Variants in TNNT3 observed in about 807,000 individuals in gnomAD.
TNNT3 encodes the protein troponin T, fast skeletal muscle.
In TNNT3, 36 loss-of-function variants were observed where a neutral mutation model predicts 54.2. The ratio of observed to expected loss-of-function variants is 0.66; its 90% CI spans 0.51 to 0.88. TNNT3 has a LOEUF of 0.88. Ranked by LOEUF, TNNT3 falls within the 40% of genes least tolerant of loss-of-function variation. The pLI is 0.00. For synonymous variants in TNNT3, 120 were observed against 109.7 expected, an observed-to-expected ratio of 1.09 and a Z score of -0.59; for missense variants, 291 against 331.6, an observed-to-expected ratio of 0.88 and a Z score of 0.95.
chr11:1,932,547 C>A (rs199614140), intron 9 of TNNT3, 33 bp downstream of exon 9: 1 of 1,609,938 alleles, frequency 6.2e-7, no homozygotes, highest in African/African-American at 1.3e-5. Context: ...AACATGTCCA[C>A]GGTTTCCCCA....
In TNNT3 at chr11:1,926,681, C is replaced by T. The variant is rs202175253; in HGVS notation, c.68-14C>T. On this transcript the variant is annotated splice_polypyrimidine_tract_variant and intron_variant, in intron 5 of 15. Coordinates refer to ENST00000278317, the MANE Select transcript of TNNT3 (RefSeq NM_006757.4). The stretch of plus-strand genomic sequence containing the variant: ...TCTCCCGCCCTTTCTGCCACCATGA[C>T]GCTGCTTCTGCAGAGGAAGTTCAAG... 4.9e-4 allele frequency: 785 copies of T among 1,613,530 alleles called. 1 individual carries two copies. The highest frequency in any genetic ancestry group is 3.5e-4 in the Non-Finnish European group (417 of 1,180,030).
At chr11:1,934,234 T>A in intron 11 of TNNT3, 98 bp from the exon 12 acceptor site, 1 of 1,214,060 alleles carries the variant, frequency 8.2e-7, no homozygotes. Context: ...GGTGGGCCCT[T>A]CCAGACAGCT....
At position 1,928,439 on chromosome 11, in the gene TNNT3, C is replaced by T. The variant is rs900766351; in HGVS notation, c.83-681C>T. On this transcript the variant is annotated intron_variant, in intron 6 of 15. Transcript: ENST00000278317. The stretch of plus-strand genomic sequence containing the variant: ...CAGGGGGGTCCCAGAGGGGCCCAGT[C>T]TCAGGACAGCAGCCATGTGGCAGTC... Among the ~76,000 whole-genome samples the T allele has an allele frequency of 5.3e-5, 8 of 152,202 alleles. No individual in the cohort carries two copies. In the South Asian group the frequency reaches 8.3e-4, roughly 16 times the overall value.
rs200627107 is a variant in TNNT3, at chr11:1,926,513, C to A, written c.68-182C>A. The A allele has an allele frequency of 3.1e-6, 5 of 1,613,014 alleles. No individual in the cohort carries two copies. The East Asian group carries it at 1.1e-4, about 36-fold the overall frequency. On this transcript the variant is annotated intron_variant, in intron 5 of 15. Transcript: ENST00000278317. ...GCATGACTTCGATGCCACATGGGCA[C>A]GTGTGGCCATGTGGGGGGTGCAGGA...
Position 1,922,892 on chromosome 11 carries a change from G to A in TNNT3, c.17+1G>A, listed in dbSNP as rs867259461. The A allele has an allele frequency of 8.7e-6, 14 of 1,613,616 alleles. No homozygotes were observed. The highest frequency in any genetic ancestry group is 1.1e-5 in the Non-Finnish European group (13 of 1,180,026). The stretch of plus-strand genomic sequence containing the variant: ...CCTTCACCATGTCTGACGAGGAAGT[G>A]TGAGTACCCAGCTGGTGGCTGCCCC... On this transcript the variant is annotated splice_donor_variant, in intron 2 of 15. Transcript: ENST00000278317. LOFTEE classifies it high-confidence loss of function.
chr11:1,938,242 C>T (rs1414715163), intron 15 of TNNT3, 196 bp from the exon 16 acceptor site: 1 of 654,622 alleles, frequency 1.5e-6, no homozygotes, highest in Non-Finnish European at 2.8e-6. Flanking sequence ...CCTAACCACA[C>T]TAACGACCTA....
intron 8 of TNNT3, among the ~76,000 whole-genome samples, chr11:1,931,407 G>A (rs974388958): frequency 6.6e-6 from 1 of 152,250 alleles, no homozygotes; most frequent in African/African-American, 2.4e-5. Context: ...TGGGATGTGA[G>A]CGGGTCTGTG....
Position 1,938,645 on chromosome 11 carries a change from G to A in TNNT3, c.*153G>A, listed in dbSNP as rs562840875. The A allele has an allele frequency of 5.5e-5, 43 of 777,300 alleles. No individual in the cohort carries two copies. In the African/African-American group the frequency reaches 5.7e-4, roughly 10 times the overall value. 48.2% of individuals were successfully genotyped at this position (777,300 alleles called of 1,614,324 possible). A position where few individuals can be genotyped will look rare whatever the true frequency, so the allele number is the denominator to read the frequency against. ...GAGGCCATCCCGGGGCGTCCCCCGC[G>A]TCTGTGTCCTTGCTGCCTTCATCCC... On this transcript the variant is annotated 3_prime_UTR_variant, in exon 16 of 16. Transcript: ENST00000278317.
chr11:1,924,539 G>A (rs1048845377), intron 4 of TNNT3, among the ~76,000 whole-genome samples: 2 of 152,222 alleles, frequency 1.3e-5, no homozygotes, highest in Admixed American at 6.5e-5. Flanking sequence ...TTTTTCTGCC[G>A]AAAAGGTGGA....
chr11:1,934,254 G>T (rs1589988432), intron 11 of TNNT3, 78 bp from the exon 12 acceptor site: 15 of 1,356,304 alleles, frequency 1.1e-5, no homozygotes, highest in Middle Eastern at 1.8e-4. Context: ...TCTAAGCCCA[G>T]GGTGGGTCCC....
At position 1,925,128 on chromosome 11, in the gene TNNT3, C is replaced by T. The variant is rs1043742814; in HGVS notation, c.67+12C>T. On this transcript the variant is annotated intron_variant, in intron 5 of 15. Coordinates refer to ENST00000278317, the MANE Select transcript of TNNT3 (RefSeq NM_006757.4). ...AGCCCAGGAGGAAGGTAAGTGGGGT[C>T]CAAGGCCCCGGCCCCCATGCCCACT... is the stretch of plus-strand genomic sequence containing the variant. 3.7e-6 allele frequency: 6 copies of T among 1,612,662 alleles called. No individual in the cohort carries two copies. In the African/African-American group the frequency reaches 8.0e-5, roughly 22 times the overall value.
intron 15 of TNNT3, 122 bp from the exon 16 acceptor site, chr11:1,938,315 TG>T (rs1855745632): frequency 9.2e-7 from 1 of 1,081,394 alleles, no homozygotes; most frequent in Admixed American, 1.7e-5. Context: ...GCCGCAAGCT[TG>T]GGCCGGGCCT....
intron 5 of TNNT3, chr11:1,925,341 G>A (rs965721663): frequency 6.5e-7 from 1 of 1,535,344 alleles, no homozygotes; most frequent in Non-Finnish European, 8.8e-7. Context: ...CCCATGTGGG[G>A]GTGGGGGAGA....
At chr11:1,924,676 C>T (rs2133272716) in intron 4 of TNNT3, among the ~76,000 whole-genome samples, 1 of 152,306 alleles carries the variant, frequency 6.6e-6, no homozygotes, top group Non-Finnish European at 1.5e-5. Flanking sequence ...CCCTCAGTGC[C>T]AGCCTTGTTT....
intron 15 of TNNT3, 66 bp downstream of exon 15, chr11:1,937,069 C>T: frequency 6.6e-7 from 1 of 1,513,026 alleles, no homozygotes; most frequent in Non-Finnish European, 9.0e-7. Context: ...CCGCTGTAGC[C>T]AGTCCCTAAC....
intron 1 of TNNT3, among the ~76,000 whole-genome samples, chr11:1,920,383 C>A (rs1056030259): frequency 6.6e-6 from 1 of 152,126 alleles, no homozygotes; most frequent in East Asian, 1.9e-4. Context: ...AGGGGCTGGA[C>A]TGGGGCAGGA....
At chr11:1,925,343 T>TGGGGGAGA in intron 5 of TNNT3, 1 of 1,177,718 alleles carries the variant, frequency 8.5e-7, no homozygotes, top group Non-Finnish European at 1.2e-6. Flanking sequence ...CATGTGGGGG[T>TGGGGGAGA]GGGGGAGAGG....
chr11:1,921,612 T>C (rs1850129167), intron 1 of TNNT3: 1 of 152,254 alleles, frequency 6.6e-6, no homozygotes, highest in South Asian at 2.1e-4. Flanking sequence ...AAGACAGCTA[T>C]CTGCTGGGTA....
At position 1,938,558 on chromosome 11, in the gene TNNT3, G is replaced by T; in HGVS notation, c.*66G>T. The T allele has an allele frequency of 1.3e-6, 2 of 1,510,730 alleles. No homozygotes were observed. The highest frequency in any genetic ancestry group is 9.1e-7 in the Non-Finnish European group (1 of 1,093,968). 93.6% of individuals were successfully genotyped at this position (1,510,730 alleles called of 1,614,324 possible). A position where few individuals can be genotyped will look rare whatever the true frequency, so the allele number is the denominator to read the frequency against. ...TCTTGCACACCAGGGCCGCTCGTGGGACTCCACATCCTCCAGCCCCCACAA... is the reference window on the plus strand; with the variant it reads ...TCTTGCACACCAGGGCCGCTCGTGGTACTCCACATCCTCCAGCCCCCACAA... On this transcript the variant is annotated 3_prime_UTR_variant, in exon 16 of 16. Coordinates refer to ENST00000278317, the MANE Select transcript of TNNT3 (RefSeq NM_006757.4).
Sources: allele counts gnomAD v4.1 joint callset (sites outside exome capture counted in the v4.1 genomes callset), GRCh38; gene constraint gnomAD v4.1.1; transcripts MANE v1.5; gene names NCBI Gene and HGNC (gene_info 2026-07-23, HGNC 2026-07-21).